XYLB: variants seen among roughly 807,000 people sequenced by gnomAD.
The protein encoded by XYLB is xylulokinase.
In XYLB, 62 loss-of-function variants were observed where a neutral mutation model predicts 78.7. The ratio of observed to expected loss-of-function variants is 0.79; its 90% CI spans 0.64 to 0.97. The LOEUF (loss-of-function observed/expected upper bound fraction) is 0.97, where lower values mean the gene tolerates loss of function less well. Ranked by LOEUF, XYLB falls within the 50% of genes least tolerant of loss-of-function variation. The probability of loss-of-function intolerance (pLI) is 0.00; values close to 1 mark genes in which losing one functional copy is unlikely to be tolerated. For synonymous variants in XYLB, 245 were observed against 247.4 expected, an observed-to-expected ratio of 0.99 and a Z score of 0.09; for missense variants, 687 against 676.8, an observed-to-expected ratio of 1.02 and a Z score of -0.17.
At chr3:38,447,473 T>G in the XYLB span, among the ~76,000 whole-genome samples, 2 of 46,106 alleles carry the variant, frequency 4.3e-5, no homozygotes, top group East Asian at 1.3e-3. Flanking sequence ...CTGGCTAATT[T>G]TTTTTTTTTT....
chr3:38,452,403 G>A, the XYLB span: 2 of 151,998 alleles, frequency 1.3e-5, no homozygotes, highest in East Asian at 3.9e-4. Context: ...CTATTTCAAT[G>A]TCAATCAGAA....
At chr3:38,416,074 C>T (rs780611470), downstream of XYLB, among the ~76,000 whole-genome samples, 2 of 152,274 alleles carry the variant, frequency 1.3e-5, no homozygotes, top group East Asian at 3.9e-4. Context: ...CACCAGGTCT[C>T]GCCCTCAACA....
Position 38,401,615 on chromosome 3 carries a change from A to G in XYLB, c.1533+630A>G, listed in dbSNP as rs548456992. On this transcript the variant is annotated intron_variant, in intron 18 of 18. Coordinates refer to ENST00000207870, the MANE Select transcript of XYLB (RefSeq NM_005108.4). ...AAGCTGAGATGACCTTTAGAGTTTT[A>G]CCCAGTTGGTCTAAGGGGCTGGGCC... Among the ~76,000 whole-genome samples the G allele has an allele frequency of 6.6e-5, 10 of 152,204 alleles. No individual in the cohort carries two copies. The South Asian group carries it at 1.0e-3, about 16-fold the overall frequency.
At chr3:38,392,986 G>A (rs540716402) in intron 15 of XYLB, among the ~76,000 whole-genome samples, 3 of 152,248 alleles carry the variant, frequency 2.0e-5, no homozygotes, top group Admixed American at 6.5e-5. Context: ...AAGTCTTTGC[G>A]AATGATGTAA....
intron 18 of XYLB, among the ~76,000 whole-genome samples, chr3:38,402,847 C>T (rs1163701003): frequency 2.0e-5 from 3 of 152,146 alleles, no homozygotes; most frequent in Non-Finnish European, 2.9e-5. Context: ...ACAATGGGAA[C>T]ATAATGTGAG....
At chr3:38,437,022 A>ATAAT in the XYLB span, among the ~76,000 whole-genome samples, 2 of 146,374 alleles carry the variant, frequency 1.4e-5, no homozygotes, top group Admixed American at 1.4e-4. Context: ...AATAATAATA[A>ATAAT]TAATAATAAT....
intron 18 of XYLB, among the ~76,000 whole-genome samples, chr3:38,407,438 T>G (rs1708372537): frequency 6.6e-6 from 1 of 152,084 alleles, no homozygotes; most frequent in Non-Finnish European, 1.5e-5. Flanking sequence ...CATGCCAAAT[T>G]GTAAAGACCA....
chr3:38,373,041 C>T (rs956748239), intron 10 of XYLB, among the ~76,000 whole-genome samples: 7 of 152,188 alleles, frequency 4.6e-5, no homozygotes, highest in Admixed American at 3.3e-4. Context: ...GGAAGGCAGT[C>T]GTGCCCACCC....
At chr3:38,353,503 G>A (rs1369945657) in intron 2 of XYLB, among the ~76,000 whole-genome samples, 3 of 151,766 alleles carry the variant, frequency 2.0e-5, no homozygotes, top group Non-Finnish European at 4.4e-5. Flanking sequence ...TAGAGATGGG[G>A]TCTCACTCTG....
chr3:38,373,944 G>A (rs975627217), intron 10 of XYLB, among the ~76,000 whole-genome samples: 13 of 152,070 alleles, frequency 8.5e-5, no homozygotes, highest in African/African-American at 3.1e-4. Flanking sequence ...GCGTGATCCC[G>A]GAGTTCTAGG....
At chr3:38,421,722 C>T (rs995028116), downstream of XYLB, among the ~76,000 whole-genome samples, 1 of 152,094 alleles carries the variant, frequency 6.6e-6, no homozygotes, top group Non-Finnish European at 1.5e-5. Flanking sequence ...GAGAGTCTAA[C>T]GAAGTAACAG....
chr3:38,396,254 G>A (rs1454529809), intron 16 of XYLB, among the ~76,000 whole-genome samples: 3 of 152,202 alleles, frequency 2.0e-5, no homozygotes, highest in Non-Finnish European at 2.9e-5. Flanking sequence ...GGGACTCAGG[G>A]CAGTGCAGAG....
downstream of XYLB, among the ~76,000 whole-genome samples, chr3:38,417,511 G>A (rs549660214): frequency 3.3e-5 from 5 of 152,224 alleles, no homozygotes; most frequent in South Asian, 1.0e-3. Context: ...CATTAACCTG[G>A]ATTAAAAGGG....
chr3:38,437,005 AAATAATAATAAT>A, the XYLB span, among the ~76,000 whole-genome samples: 1,069 of 134,778 alleles, frequency 7.9e-3, 8 homozygotes, highest in Non-Finnish European at 9.5e-3. Context: ...CTCCTTCTAA[AAATAATAATAAT>A]AATAATAATA....
chr3:38,381,792 T>C (rs1707158070), intron 15 of XYLB, among the ~76,000 whole-genome samples: 1 of 152,242 alleles, frequency 6.6e-6, no homozygotes, highest in African/African-American at 2.4e-5. Flanking sequence ...TGTCTCCTGA[T>C]AAGATGTTAC....
At chr3:38,385,235 C>T (rs1162455112) in intron 15 of XYLB, among the ~76,000 whole-genome samples, 2 of 152,004 alleles carry the variant, frequency 1.3e-5, no homozygotes, top group Non-Finnish European at 2.9e-5. Context: ...CTTGACCTCA[C>T]GTGATCCACT....
intron 18 of XYLB, among the ~76,000 whole-genome samples, chr3:38,405,365 T>A (rs1297203898): frequency 7.6e-6 from 1 of 132,450 alleles, no homozygotes; most frequent in Admixed American, 8.1e-5. Flanking sequence ...TGAGACCTCA[T>A]CTCTTTAAAA....
chr3:38,385,896 G>C (rs1707364710), intron 15 of XYLB, among the ~76,000 whole-genome samples: 1 of 152,046 alleles, frequency 6.6e-6, no homozygotes, highest in Non-Finnish European at 1.5e-5. Flanking sequence ...GAATATGTAA[G>C]GATATATAAC....
Position 38,379,201 on chromosome 3 carries a change from A to G in XYLB, c.1195-45A>G. The G allele has an allele frequency of 4.4e-6, 7 of 1,585,640 alleles. No homozygotes were observed. In the African/African-American group the frequency reaches 5.4e-5, roughly 12 times the overall value. On this transcript the variant is annotated intron_variant, in intron 14 of 18. Coordinates refer to ENST00000207870, the MANE Select transcript of XYLB (RefSeq NM_005108.4). ...GACACACACATACACACACGAATGG[A>G]CAATGAGAGTTCCTTACTCTGTGCC...
Sources: gnomAD v4.1 joint callset for allele counts (sites outside exome capture counted in the v4.1 genomes callset) on GRCh38, gnomAD v4.1.1 for gene constraint, MANE v1.5 for transcripts, NCBI Gene and HGNC (gene_info 2026-07-23, HGNC 2026-07-21) for gene names.